TDRP: variants seen among roughly 807,000 people sequenced by gnomAD.
TDRP encodes the protein testis development-related protein.
In TDRP, 12 loss-of-function variants were observed where a neutral mutation model predicts 10.5. That is an observed-to-expected ratio of 1.15 (90% CI 0.73 to 1.86). The LOEUF (loss-of-function observed/expected upper bound fraction) is 1.86. Among genes scored for constraint, TDRP ranks in the 40% most tolerant of loss-of-function variants. The pLI, the probability that TDRP is intolerant of heterozygous loss-of-function variation, is 0.00. For synonymous variants in TDRP, 139 were observed against 95.4 expected (o/e 1.46, Z -2.67); for missense variants, 353 against 229.2 (o/e 1.54, Z -3.49).
At chr8:516,118 A>T (rs1355411205) in intron 1 of TDRP, among the ~76,000 whole-genome samples, 4 of 152,318 alleles carry the variant, frequency 2.6e-5, no homozygotes, top group Non-Finnish European at 5.9e-5. Flanking sequence ...TATATAATTT[A>T]TCCTCAAAGT....
chr8:534,400 T>A (rs1357223805), intron 1 of TDRP, among the ~76,000 whole-genome samples: 1 of 152,202 alleles, frequency 6.6e-6, no homozygotes, highest in Non-Finnish European at 1.5e-5. Context: ...TTGTTTTACA[T>A]GTATTTGTTT....
chr8:501,371 G>C (rs892844769), intron 1 of TDRP, among the ~76,000 whole-genome samples: 6 of 151,594 alleles, frequency 4.0e-5, no homozygotes, highest in African/African-American at 1.2e-4. Context: ...TTTTGAGATG[G>C]AGTCTTTCTC....
chr8:545,615 C>T (rs997647344), upstream of TDRP: 1 of 152,142 alleles, frequency 6.6e-6, no homozygotes, highest in Non-Finnish European at 1.5e-5. Context: ...CGCCTGTACC[C>T]CAGCGCTTCA....
At chr8:541,139 T>A (rs1316326134) in intron 1 of TDRP, among the ~76,000 whole-genome samples, 3 of 152,370 alleles carry the variant, frequency 2.0e-5, no homozygotes, top group Middle Eastern at 3.4e-3. Flanking sequence ...AATTCTAACA[T>A]CTTAATTCTA....
At chr8:502,058 T>C (rs893854194) in intron 1 of TDRP, among the ~76,000 whole-genome samples, 9 of 152,304 alleles carry the variant, frequency 5.9e-5, no homozygotes, top group Admixed American at 4.6e-4. Flanking sequence ...CTTCTTGGCA[T>C]CGCCATTGGC....
At chr8:500,898 G>C (rs1316389700) in intron 1 of TDRP, among the ~76,000 whole-genome samples, 1 of 152,220 alleles carries the variant, frequency 6.6e-6, no homozygotes, top group Non-Finnish European at 1.5e-5. Flanking sequence ...ACAGAATCCA[G>C]CAAGAGGGTT....
chr8:523,847 A>G (rs1801969320), intron 1 of TDRP, among the ~76,000 whole-genome samples: 3 of 152,150 alleles, frequency 2.0e-5, no homozygotes, highest in Non-Finnish European at 4.4e-5. Context: ...CAGCATCCCT[A>G]GATACATCCA....
intron 1 of TDRP, among the ~76,000 whole-genome samples, chr8:504,909 T>C (rs1801413391): frequency 6.6e-6 from 1 of 152,134 alleles, no homozygotes; most frequent in Admixed American, 6.5e-5. Flanking sequence ...GAAAAACTTC[T>C]ACCTATGTCC....
intron 1 of TDRP, among the ~76,000 whole-genome samples, chr8:508,972 C>T (rs1011204133): frequency 6.6e-6 from 1 of 152,234 alleles, no homozygotes; most frequent in African/African-American, 2.4e-5. Context: ...CTACAGGCCC[C>T]ATGCAGGTCC....
chr8:522,142 G>A (rs1003782045), intron 1 of TDRP, among the ~76,000 whole-genome samples: 3 of 152,114 alleles, frequency 2.0e-5, no homozygotes, highest in African/African-American at 7.2e-5. Context: ...CTACATACAA[G>A]GTCAGACAGT....
At chr8:514,692 G>A (rs1365539040) in intron 1 of TDRP, among the ~76,000 whole-genome samples, 3 of 152,160 alleles carry the variant, frequency 2.0e-5, no homozygotes, top group East Asian at 3.9e-4. Context: ...TCACCTCAGT[G>A]CCTCAGTGGG....
chr8:543,302 G>A (rs1208188973), intron 1 of TDRP, among the ~76,000 whole-genome samples: 4 of 152,118 alleles, frequency 2.6e-5, no homozygotes, highest in African/African-American at 9.7e-5. Context: ...AACGGGGCAA[G>A]ACCCTGTCTC....
intron 1 of TDRP, among the ~76,000 whole-genome samples, chr8:509,688 T>C (rs1464998901): frequency 1.3e-5 from 2 of 152,166 alleles, no homozygotes; most frequent in African/African-American, 4.8e-5. Flanking sequence ...TGACATGCCC[T>C]GGAGACAATT....
chr8:511,861 C>T (rs1220218256), intron 1 of TDRP, among the ~76,000 whole-genome samples: 1 of 152,058 alleles, frequency 6.6e-6, no homozygotes, highest in Non-Finnish European at 1.5e-5. Context: ...TCAGAAAATA[C>T]TTGTAAACAA....
intron 2 of TDRP, 81 bp from the exon 3 acceptor site, chr8:492,825 C>A: frequency 1.7e-6 from 2 of 1,154,104 alleles, no homozygotes; most frequent in Non-Finnish European, 2.4e-6. Flanking sequence ...ACATAAAATT[C>A]TTTAAAATTT....
chr8:494,960 G>T (rs1323477596), intron 1 of TDRP: 1 of 169,648 alleles, frequency 5.9e-6, no homozygotes, highest in Non-Finnish European at 1.3e-5. Context: ...GGCTGGGCAT[G>T]GTGGCGCATA....
intron 1 of TDRP, among the ~76,000 whole-genome samples, chr8:507,216 C>G (rs1801491489): frequency 6.6e-6 from 1 of 152,090 alleles, no homozygotes; most frequent in Admixed American, 6.6e-5. Flanking sequence ...AATCCAATCA[C>G]TTCCTTCCCT....
intron 1 of TDRP, among the ~76,000 whole-genome samples, chr8:519,631 G>A (rs563299449): frequency 2.6e-5 from 4 of 151,988 alleles, no homozygotes; most frequent in Non-Finnish European, 5.9e-5. Context: ...AGAGTTTGCT[G>A]TAACCCTCAA....
intron 1 of TDRP, among the ~76,000 whole-genome samples, chr8:511,459 A>G (rs1247327933): frequency 1.3e-5 from 2 of 152,236 alleles, no homozygotes; most frequent in African/African-American, 4.8e-5. Flanking sequence ...ACAAGGCAAC[A>G]AAATACAAGA....
Sources: allele counts gnomAD v4.1 joint callset (sites outside exome capture counted in the v4.1 genomes callset), GRCh38; gene constraint gnomAD v4.1.1; transcripts MANE v1.5; gene names NCBI Gene and HGNC (gene_info 2026-07-23, HGNC 2026-07-21).